SYT9: variants seen among roughly 807,000 people sequenced by gnomAD.
SYT9 encodes synaptotagmin 9.
A neutral mutation model predicts 48.4 loss-of-function variants in SYT9; 22 were observed. That is an observed-to-expected ratio of 0.45 (90% CI 0.32 to 0.65). The LOEUF (loss-of-function observed/expected upper bound fraction) is 0.65. Among genes scored for constraint, SYT9 ranks in the 30% least tolerant of loss-of-function variants. The pLI is 0.03. For synonymous variants in SYT9, 265 were observed against 245.0 expected (o/e 1.08, Z -0.76); for missense variants, 577 against 622.0 (o/e 0.93, Z 0.77).
intron 6 of SYT9, among the ~76,000 whole-genome samples, chr11:7,447,338 C>T (rs1456053332): frequency 2.6e-5 from 4 of 152,192 alleles, no homozygotes; most frequent in Non-Finnish European, 5.9e-5. Context: ...GCCTTCACAA[C>T]CTGACCCCTC....
At chr11:7,338,913 A>G (rs1330161104) in intron 3 of SYT9, among the ~76,000 whole-genome samples, 1 of 152,134 alleles carries the variant, frequency 6.6e-6, no homozygotes, top group African/African-American at 2.4e-5. Flanking sequence ...TTCCTGCCTC[A>G]GTGATCTGTT....
intron 3 of SYT9, among the ~76,000 whole-genome samples, chr11:7,329,822 T>G (rs1207184720): frequency 2.0e-5 from 3 of 152,136 alleles, no homozygotes; most frequent in Non-Finnish European, 4.4e-5. Flanking sequence ...TGAATCTGAG[T>G]CTGAAATGCA....
At chr11:7,249,796 C>G (rs779338403), upstream of SYT9, among the ~76,000 whole-genome samples, 14 of 152,162 alleles carry the variant, frequency 9.2e-5, no homozygotes, top group Non-Finnish European at 2.1e-4. Flanking sequence ...TTAACTTGCA[C>G]AAGGTTGGTT....
At chr11:7,430,682 T>G (rs116061000) in intron 6 of SYT9, among the ~76,000 whole-genome samples, 4,012 of 152,184 alleles carry the variant, frequency 0.026, 195 homozygotes, top group African/African-American at 0.092. Context: ...GCGGTCCTCT[T>G]GATAGTGAGT....
intron 1 of SYT9, among the ~76,000 whole-genome samples, chr11:7,268,285 G>A (rs750472103): frequency 4.6e-5 from 7 of 151,906 alleles, no homozygotes; most frequent in Non-Finnish European, 7.4e-5. Flanking sequence ...GCTTATGCAC[G>A]TTAAATATTT....
At chr11:7,408,074 T>C (rs921012088) in intron 3 of SYT9, among the ~76,000 whole-genome samples, 2 of 152,276 alleles carry the variant, frequency 1.3e-5, no homozygotes, top group East Asian at 1.9e-4. Context: ...ATTACATTGG[T>C]TTTTTGATAG....
At position 7,370,214 on chromosome 11, in the gene SYT9, G is replaced by A. The variant is rs567457501; in HGVS notation, c.1045-45828G>A. 6.6e-5 allele frequency among the ~76,000 whole-genome samples: 10 copies of A among 152,288 alleles called. No individual in the cohort carries two copies. In the South Asian group the frequency reaches 2.1e-3, roughly 32 times the overall value. ...AGTCTCCAGTCTCATCCAGGTCTCTGCAAATGTTAAGTGATGCATCTGCTG... is the reference window on the plus strand; with the variant it reads ...AGTCTCCAGTCTCATCCAGGTCTCTACAAATGTTAAGTGATGCATCTGCTG... On this transcript the variant is annotated intron_variant, in intron 3 of 6. Transcript: ENST00000318881.
intron 3 of SYT9, among the ~76,000 whole-genome samples, chr11:7,330,418 A>C (rs763908137): frequency 6.6e-6 from 1 of 152,174 alleles, no homozygotes; most frequent in Non-Finnish European, 1.5e-5. Context: ...CAAAGGGGCA[A>C]TATGAGGGAA....
chr11:7,265,357 C>A (rs528896264), intron 1 of SYT9, among the ~76,000 whole-genome samples: 1 of 152,226 alleles, frequency 6.6e-6, no homozygotes, highest in East Asian at 1.9e-4. Context: ...AATGTCAAGG[C>A]CCCTTGCAAC....
At chr11:7,441,181 G>T (rs1397819102) in intron 6 of SYT9, 1 of 152,228 alleles carries the variant, frequency 6.6e-6, no homozygotes, top group African/African-American at 2.4e-5. Flanking sequence ...CATGCCTGAA[G>T]AGCTGTGTAC....
chr11:7,399,950 G>T (rs1462450211), intron 3 of SYT9, among the ~76,000 whole-genome samples: 1 of 152,178 alleles, frequency 6.6e-6, no homozygotes. Context: ...AGCTGGACTG[G>T]ATGATGACTG....
chr11:7,406,851 G>C (rs796611803), intron 3 of SYT9, among the ~76,000 whole-genome samples: 1 of 150,970 alleles, frequency 6.6e-6, no homozygotes, highest in Non-Finnish European at 1.5e-5. Context: ...ATTGTTGCTA[G>C]CATGTTATTT....
chr11:7,351,890 T>A (rs1280278805), intron 3 of SYT9, among the ~76,000 whole-genome samples: 1 of 151,972 alleles, frequency 6.6e-6, no homozygotes, highest in Non-Finnish European at 1.5e-5. Flanking sequence ...GAGTCTGTTG[T>A]ATGGGTGAGC....
At chr11:7,403,011 A>G (rs940261885) in intron 3 of SYT9, among the ~76,000 whole-genome samples, 1 of 151,968 alleles carries the variant, frequency 6.6e-6, no homozygotes, top group Non-Finnish European at 1.5e-5. Flanking sequence ...TCTTTATCTT[A>G]TCTAATCTTA....
chr11:7,458,233 C>A (rs889099582), intron 6 of SYT9, among the ~76,000 whole-genome samples: 2 of 152,186 alleles, frequency 1.3e-5, no homozygotes. Context: ...GTAATCCCAG[C>A]GCTTTGGGAG....
chr11:7,406,067 G>A (rs1847002554), intron 3 of SYT9, among the ~76,000 whole-genome samples: 1 of 152,016 alleles, frequency 6.6e-6, no homozygotes, highest in South Asian at 2.1e-4. Context: ...GATATATATG[G>A]GGTACATATG....
intron 3 of SYT9, among the ~76,000 whole-genome samples, chr11:7,342,734 T>TG (rs1253024872): frequency 6.6e-6 from 1 of 152,206 alleles, no homozygotes; most frequent in East Asian, 1.9e-4. Flanking sequence ...AGTGCCCCAG[T>TG]GGGGACTCTG....
intron 3 of SYT9, among the ~76,000 whole-genome samples, chr11:7,361,558 G>T (rs1053992787): frequency 1.3e-5 from 2 of 152,002 alleles, no homozygotes; most frequent in Non-Finnish European, 2.9e-5. Flanking sequence ...TTTGTTAATT[G>T]TGTTGTTCAA....
At chr11:7,349,538 A>C (rs1849871449) in intron 3 of SYT9, among the ~76,000 whole-genome samples, 1 of 152,056 alleles carries the variant, frequency 6.6e-6, no homozygotes, top group African/African-American at 2.4e-5. Context: ...ATGTTCCTAC[A>C]GGGGCCACCT....
Sources: gnomAD v4.1 joint callset for allele counts (sites outside exome capture counted in the v4.1 genomes callset) on GRCh38, gnomAD v4.1.1 for gene constraint, MANE v1.5 for transcripts, NCBI Gene and HGNC (gene_info 2026-07-23, HGNC 2026-07-21) for gene names.